CSMD1: variants seen among roughly 807,000 people sequenced by gnomAD.
The protein encoded by CSMD1 is CUB and Sushi multiple domains 1.
A neutral mutation model predicts 417.5 loss-of-function variants in CSMD1; 213 were observed. The ratio of observed to expected loss-of-function variants is 0.51; its 90% CI spans 0.46 to 0.57. The LOEUF is 0.57. Among genes scored for constraint, CSMD1 ranks in the 20% least tolerant of loss-of-function variants. The probability of loss-of-function intolerance (pLI) is 0.00; values close to 1 mark genes in which losing one functional copy is unlikely to be tolerated. For missense variants in CSMD1, 6,923 were observed against 4,529.7 expected, an observed-to-expected ratio of 1.53 and a Z score of -15.17; for synonymous variants, 2,862 against 1,736.8, an observed-to-expected ratio of 1.65 and a Z score of -16.11.
intron 3 of CSMD1, among the ~76,000 whole-genome samples, chr8:4,185,698 CAT>C (rs1491363598): frequency 6.6e-6 from 1 of 152,100 alleles, no homozygotes; most frequent in African/African-American, 2.4e-5. Flanking sequence ...AGTTTGAAGA[CAT>C]GTACTGAAAT....
chr8:4,354,234 C>A (rs969189126), intron 3 of CSMD1, among the ~76,000 whole-genome samples: 1 of 152,166 alleles, frequency 6.6e-6, no homozygotes, highest in Admixed American at 6.6e-5. Context: ...GATATTTCCA[C>A]CTTACCAACA....
chr8:2,996,455 C>T (rs142100303), intron 54 of CSMD1, among the ~76,000 whole-genome samples: 9 of 152,284 alleles, frequency 5.9e-5, no homozygotes, highest in East Asian at 1.9e-4. Flanking sequence ...TGCTAATGCA[C>T]GCACACACGA....
intron 3 of CSMD1, among the ~76,000 whole-genome samples, chr8:4,166,952 G>A (rs1347370777): frequency 6.6e-6 from 1 of 152,184 alleles, no homozygotes. Context: ...CACCATGTCA[G>A]ACAGCACATG....
At chr8:4,260,586 G>T (rs778499678) in intron 3 of CSMD1, among the ~76,000 whole-genome samples, 4 of 152,056 alleles carry the variant, frequency 2.6e-5, no homozygotes, top group Non-Finnish European at 5.9e-5. Context: ...TTGTAATATT[G>T]TTTCTGAAAA....
chr8:3,282,300 T>C (rs1296011801), intron 26 of CSMD1, among the ~76,000 whole-genome samples: 5 of 152,098 alleles, frequency 3.3e-5, no homozygotes, highest in African/African-American at 1.2e-4. Flanking sequence ...GGCTGTGTGC[T>C]GTGGACAGAG....
intron 6 of CSMD1, among the ~76,000 whole-genome samples, chr8:3,731,213 C>T (rs147370965): frequency 1.8e-4 from 27 of 152,330 alleles, no homozygotes; most frequent in African/African-American, 6.5e-4. Context: ...GTTTCTCCAC[C>T]TTCCCACTGT....
At chr8:4,773,438 G>C (rs67990550) in intron 1 of CSMD1, among the ~76,000 whole-genome samples, 48,940 of 152,040 alleles carry the variant, frequency 0.32, 8,833 homozygotes, top group Admixed American at 0.47. Flanking sequence ...TCGCTGTTTG[G>C]GGGAGGCCTG....
At chr8:3,290,198 G>C (rs1056436721) in intron 25 of CSMD1, among the ~76,000 whole-genome samples, 1 of 147,110 alleles carries the variant, frequency 6.8e-6, no homozygotes, top group Non-Finnish European at 1.5e-5. Flanking sequence ...CTCTGTTTTG[G>C]TACCAGTACC....
chr8:3,642,226 T>A (rs1482203), intron 7 of CSMD1, among the ~76,000 whole-genome samples: 2 of 151,556 alleles, frequency 1.3e-5, no homozygotes, highest in African/African-American at 2.4e-5. Flanking sequence ...ATGTATTAAA[T>A]GGTGAAACCC....
intron 5 of CSMD1, among the ~76,000 whole-genome samples, chr8:3,860,615 C>T (rs1177413710): frequency 6.6e-6 from 1 of 152,112 alleles, no homozygotes; most frequent in African/African-American, 2.4e-5. Flanking sequence ...ACATAAGAGA[C>T]ACTATTAGTT....
intron 1 of CSMD1, among the ~76,000 whole-genome samples, chr8:4,709,604 G>C (rs370039539): frequency 4.6e-5 from 7 of 152,190 alleles, no homozygotes; most frequent in African/African-American, 1.7e-4. Context: ...CTGTCCAAAG[G>C]CAAGAAACAA....
At chr8:4,327,916 T>G (rs1300977599) in intron 3 of CSMD1, among the ~76,000 whole-genome samples, 2 of 152,194 alleles carry the variant, frequency 1.3e-5, no homozygotes. Flanking sequence ...TAATTTTCCT[T>G]GCTCACCACA....
At chr8:4,801,198 G>A (rs192509582) in intron 1 of CSMD1, among the ~76,000 whole-genome samples, 16 of 152,122 alleles carry the variant, frequency 1.1e-4, no homozygotes, top group African/African-American at 3.6e-4. Context: ...CCTACTTCTG[G>A]TCATTTCTTA....
intron 2 of CSMD1, among the ~76,000 whole-genome samples, chr8:4,503,784 C>T (rs1030532): frequency 6.6e-6 from 1 of 152,074 alleles, no homozygotes; most frequent in African/African-American, 2.4e-5. Flanking sequence ...CTATCAGGCA[C>T]TGTGACAATG....
At chr8:4,844,629 AAAC>A (rs1218821091) in intron 1 of CSMD1, among the ~76,000 whole-genome samples, 8 of 152,166 alleles carry the variant, frequency 5.3e-5, no homozygotes, top group Non-Finnish European at 8.8e-5. Flanking sequence ...CGTCTTTTCT[AAAC>A]AATCCATGCA....
At chr8:4,613,286 G>A (rs1253203171) in intron 2 of CSMD1, among the ~76,000 whole-genome samples, 1 of 152,178 alleles carries the variant, frequency 6.6e-6, no homozygotes, top group Non-Finnish European at 1.5e-5. Context: ...CGCCATCCAT[G>A]CTCCGAGTGC....
intron 3 of CSMD1, among the ~76,000 whole-genome samples, chr8:4,303,965 C>T (rs1350866132): frequency 6.6e-6 from 1 of 152,170 alleles, no homozygotes; most frequent in Admixed American, 6.5e-5. Flanking sequence ...TTCCCTCTTC[C>T]TTTTGCCTCC....
chr8:3,303,600 T>A (rs1248814475), intron 25 of CSMD1, among the ~76,000 whole-genome samples: 1 of 152,214 alleles, frequency 6.6e-6, no homozygotes, highest in Non-Finnish European at 1.5e-5. Context: ...CAAAGTGAGC[T>A]TTCCAGACAA....
At chr8:3,358,045 C>T (rs533934776) in intron 21 of CSMD1, among the ~76,000 whole-genome samples, 1 of 152,122 alleles carries the variant, frequency 6.6e-6, no homozygotes, top group African/African-American at 2.4e-5. Flanking sequence ...AAAATCTGCC[C>T]CAAAGGCAGA....
Sources: gnomAD v4.1 joint callset for allele counts (sites outside exome capture counted in the v4.1 genomes callset) on GRCh38, gnomAD v4.1.1 for gene constraint, MANE v1.5 for transcripts, NCBI Gene and HGNC (gene_info 2026-07-23, HGNC 2026-07-21) for gene names.